GAS2: variants seen among roughly 807,000 people sequenced by gnomAD.
GAS2 encodes the protein growth arrest-specific protein 2.
A neutral mutation model predicts 37.5 loss-of-function variants in GAS2; 20 were observed. The observed-to-expected ratio is 0.53, with a 90% CI of 0.37 to 0.77. The LOEUF is 0.77. Among genes scored for constraint, GAS2 ranks in the 30% least tolerant of loss-of-function variants. The pLI is 0.00. For missense variants in GAS2, 336 were observed against 373.4 expected (o/e 0.90, Z 0.82); for synonymous variants, 144 against 132.2 (o/e 1.09, Z -0.61).
intron 7 of GAS2, among the ~76,000 whole-genome samples, chr11:22,757,890 C>G (rs1280819874): frequency 6.6e-6 from 1 of 152,090 alleles, no homozygotes; most frequent in Non-Finnish European, 1.5e-5. Context: ...AGGCTCCTGT[C>G]TATGTGTCTG....
At chr11:22,652,995 C>CTTTCTTTCTTTCTTTCT (rs1482381488) in intron 1 of GAS2, among the ~76,000 whole-genome samples, 1 of 134,026 alleles carries the variant, frequency 7.5e-6, no homozygotes, top group Non-Finnish European at 1.6e-5. Flanking sequence ...CTTTCTTTGT[C>CTTTCTTTCTTTCTTTCT]TTTCTTTCTT....
intron 3 of GAS2, among the ~76,000 whole-genome samples, chr11:22,721,691 C>G (rs10766962): frequency 0.52 from 79,357 of 151,906 alleles, 23,556 homozygotes; most frequent in Non-Finnish European, 0.66. Flanking sequence ...TGGCTAATGG[C>G]TAGCTACCAT....
At chr11:22,795,208 TATACTA>T (rs1170948635) in intron 7 of GAS2, among the ~76,000 whole-genome samples, 1 of 152,186 alleles carries the variant, frequency 6.6e-6, no homozygotes, top group East Asian at 1.9e-4. Flanking sequence ...AGGATATACT[TATACTA>T]AGAAAATGTT....
intron 1 of GAS2, among the ~76,000 whole-genome samples, chr11:22,653,146 C>T (rs189610086): frequency 6.6e-6 from 1 of 151,292 alleles, no homozygotes; most frequent in South Asian, 2.1e-4. Context: ...GTCTCCTCTC[C>T]TCTCCTCCTG....
intron 2 of GAS2, 138 bp downstream of exon 2, chr11:22,675,152 A>C: frequency 1.2e-6 from 1 of 847,086 alleles, no homozygotes; most frequent in Non-Finnish European, 1.7e-6. Context: ...GCATCTGGGA[A>C]ACCTGAAGCA....
At chr11:22,626,341 T>A (rs919358920) in intron 1 of GAS2, 2 of 158,468 alleles carry the variant, frequency 1.3e-5, no homozygotes, top group African/African-American at 2.4e-5. Flanking sequence ...GTCCTTCCAT[T>A]ATTAGAACTG....
At chr11:22,807,673 A>G (rs1376522004) in intron 7 of GAS2, among the ~76,000 whole-genome samples, 1 of 152,232 alleles carries the variant, frequency 6.6e-6, no homozygotes, top group East Asian at 1.9e-4. Flanking sequence ...GTTGCCAGGA[A>G]AGAAGGCTTT....
chr11:22,753,393 C>A (rs1853853129), intron 6 of GAS2, among the ~76,000 whole-genome samples: 1 of 152,072 alleles, frequency 6.6e-6, no homozygotes, highest in African/African-American at 2.4e-5. Context: ...TTGAGAAGGG[C>A]AGGCCACTTG....
At chr11:22,652,608 G>C (rs337510) in intron 1 of GAS2, among the ~76,000 whole-genome samples, 103,898 of 152,222 alleles carry the variant, frequency 0.68, 39,898 homozygotes, top group East Asian at 0.89. Context: ...GCCAGGTGGG[G>C]GATATAATCT....
At chr11:22,789,926 T>C (rs1172077692) in intron 7 of GAS2, among the ~76,000 whole-genome samples, 1 of 152,208 alleles carries the variant, frequency 6.6e-6, no homozygotes, top group Non-Finnish European at 1.5e-5. Flanking sequence ...GAAAGTATGT[T>C]TATTTTTCTA....
chr11:22,706,120 C>G (rs571460278), intron 3 of GAS2, among the ~76,000 whole-genome samples: 1 of 152,100 alleles, frequency 6.6e-6, no homozygotes, highest in Non-Finnish European at 1.5e-5. Context: ...TTAAGTATAA[C>G]AATATGCCAT....
intron 7 of GAS2, among the ~76,000 whole-genome samples, chr11:22,791,591 A>G (rs919369260): frequency 6.6e-6 from 1 of 152,228 alleles, no homozygotes; most frequent in African/African-American, 2.4e-5. Context: ...TGATCTCACT[A>G]TAATAAACTG....
At chr11:22,643,387 A>AGTCCCACTGGAAGGGGCTTCTATGAC (rs1848652328) in intron 1 of GAS2, among the ~76,000 whole-genome samples, 1 of 151,488 alleles carries the variant, frequency 6.6e-6, no homozygotes. Context: ...TACTTGAGTT[A>AGTCCCACTGGAAGGGGCTTCTATGAC]GTCCCACTGG....
chr11:22,734,473 T>A (rs1347175015), intron 4 of GAS2, among the ~76,000 whole-genome samples: 2 of 151,648 alleles, frequency 1.3e-5, no homozygotes, highest in African/African-American at 4.8e-5. Flanking sequence ...CTCCTAACAG[T>A]AATCTTCTCT....
chr11:22,736,746 T>C (rs886634926), intron 4 of GAS2, among the ~76,000 whole-genome samples: 1 of 152,120 alleles, frequency 6.6e-6, no homozygotes, highest in Non-Finnish European at 1.5e-5. Context: ...AATCTATCAA[T>C]AAACAATCAA....
upstream of GAS2, among the ~76,000 whole-genome samples, chr11:22,665,978 C>G (rs962786496): frequency 6.6e-6 from 1 of 152,202 alleles, no homozygotes; most frequent in South Asian, 2.1e-4. Flanking sequence ...AAGTGTAATA[C>G]ATTTTATTTA....
chr11:22,780,199 G>A (rs1477938626), intron 7 of GAS2, among the ~76,000 whole-genome samples: 3 of 152,118 alleles, frequency 2.0e-5, no homozygotes, highest in Non-Finnish European at 4.4e-5. Flanking sequence ...CACTAGCTAG[G>A]GTTGAGATTA....
At chr11:22,626,105 G>C in intron 1 of GAS2, 1 of 472,158 alleles carries the variant, frequency 2.1e-6, no homozygotes, top group Non-Finnish European at 3.9e-6. Context: ...ACGTCTCCGC[G>C]CTTCCTTTCG....
intron 1 of GAS2, among the ~76,000 whole-genome samples, chr11:22,639,774 C>A (rs1026566276): frequency 6.6e-6 from 1 of 151,956 alleles, no homozygotes; most frequent in Non-Finnish European, 1.5e-5. Flanking sequence ...TTTCAGTAGG[C>A]CATAATAGAC....
Sources: gnomAD v4.1 joint callset for allele counts (sites outside exome capture counted in the v4.1 genomes callset) on GRCh38, gnomAD v4.1.1 for gene constraint, MANE v1.5 for transcripts, NCBI Gene and HGNC (gene_info 2026-07-23, HGNC 2026-07-21) for gene names.